Variants in ZMYND19 observed in about 807,000 individuals in gnomAD.
ZMYND19 encodes the protein zinc finger MYND domain-containing protein 19.
In ZMYND19, 17 loss-of-function variants were observed where a neutral mutation model predicts 32.0. The observed-to-expected ratio is 0.53, with a 90% CI of 0.36 to 0.80. ZMYND19 has a LOEUF of 0.80. ZMYND19 is among the 30% of genes least tolerant of loss of function. The pLI is 0.00. For synonymous variants in ZMYND19, 124 were observed against 113.6 expected (o/e 1.09, Z -0.58); for missense variants, 250 against 293.6 (o/e 0.85, Z 1.09).
At chr9:137,589,687 C>A (rs1842248240) in intron 1 of ZMYND19, 1 of 985,352 alleles carries the variant, frequency 1.0e-6, no homozygotes, top group Non-Finnish European at 1.2e-6. Flanking sequence ...CTCAGCCTAA[C>A]GTGGCCAACC....
In ZMYND19 at chr9:137,590,296, C is replaced by T; in HGVS notation, c.-33G>A. 2.9e-6 allele frequency: 3 copies of T among 1,048,796 alleles called. No individual in the cohort carries two copies. The highest frequency in any genetic ancestry group is 3.4e-6 in the Non-Finnish European group (3 of 870,598). 65.0% of individuals were successfully genotyped at this position (1,048,796 alleles called of 1,614,324 possible). On this transcript the variant is annotated 5_prime_UTR_variant, in exon 1 of 6. Coordinates refer to ENST00000298585, the MANE Select transcript of ZMYND19 (RefSeq NM_138462.3). This position sits in a 1 kb window ranked among gnomAD's most constrained non-coding sequence, Gnocchi z 4.2. Reference sequence around the variant, plus strand: ...CCTGCGCTCTCGGCCGGCAGCGCCGCTCCCTCGGGAGGCGCCGAGCGGGGG... The same window carrying T: ...CCTGCGCTCTCGGCCGGCAGCGCCGTTCCCTCGGGAGGCGCCGAGCGGGGG...
At chr9:137,588,585 G>A in intron 2 of ZMYND19, 74 bp downstream of exon 2, 1 of 1,542,604 alleles carries the variant, frequency 6.5e-7, no homozygotes, top group East Asian at 2.3e-5. Context: ...GCACAGGGGA[G>A]AGAGCTCGTT....
In ZMYND19 at chr9:137,590,258, G is replaced by T. The variant is rs747235257; in HGVS notation, c.6C>A (p.Thr2=). 1.7e-6 allele frequency: 2 copies of T among 1,143,860 alleles called. No homozygotes were observed. The highest frequency in any genetic ancestry group is 2.2e-6 in the Non-Finnish European group (2 of 916,652). The allele number at this position is 1,143,860 out of a possible 1,614,324, so 70.9% of individuals were successfully genotyped here. The change falls in exon 1 of 6, where the codon ACC becomes ACA. Residue 2 remains threonine, a synonymous_variant. Coordinates refer to ENST00000298585, the MANE Select transcript of ZMYND19 (RefSeq NM_138462.3). This position sits in a 1 kb window ranked among gnomAD's most constrained non-coding sequence, Gnocchi z 4.2. ...GCCGCACGATACCCAATTTGAAGTC[G>T]GTCATGGCCGGGCCTGCGCTCTCGG... M[T]DFKLGIVRLG... is the part of the protein sequence containing the mutation.
At chr9:137,589,457 G>T in intron 1 of ZMYND19, 1 of 985,462 alleles carries the variant, frequency 1.0e-6, no homozygotes, top group Non-Finnish European at 1.2e-6. Flanking sequence ...AGCCGCAGCC[G>T]CTGGTGACGG....
intron 3 of ZMYND19, 56 bp from the exon 4 acceptor site, chr9:137,587,163 A>ACAGACATTT: frequency 6.3e-7 from 1 of 1,581,886 alleles, no homozygotes; most frequent in Non-Finnish European, 8.5e-7. Flanking sequence ...TCCCACCCTC[A>ACAGACATTT]CAGACATTTC....
At chr9:137,582,790 T>TA in intron 5 of ZMYND19, 104 bp from the exon 6 acceptor site, 9 of 1,533,308 alleles carry the variant, frequency 5.9e-6, no homozygotes, top group Non-Finnish European at 7.9e-6. Context: ...AAACACCACG[T>TA]ACCAAGGCTG....
At chr9:137,585,881 G>A (rs1006836343) in intron 4 of ZMYND19, among the ~76,000 whole-genome samples, 24 of 152,382 alleles carry the variant, frequency 1.6e-4, no homozygotes, top group Admixed American at 3.9e-4. Flanking sequence ...AGGGCAGTTC[G>A]CACTGCCTGC....
intron 1 of ZMYND19, chr9:137,589,615 G>A (rs983237962): frequency 1.0e-6 from 1 of 985,368 alleles, no homozygotes. Flanking sequence ...GAGAAGTCGA[G>A]GAAGGCCCTG....
intron 1 of ZMYND19, chr9:137,588,967 G>A (rs1842238786): frequency 5.9e-6 from 3 of 504,970 alleles, no homozygotes; most frequent in Non-Finnish European, 7.2e-6. Flanking sequence ...CGCCAGAGGA[G>A]CTGGTATCAG....
At chr9:137,586,504 T>G (rs1452987997) in intron 4 of ZMYND19, among the ~76,000 whole-genome samples, 1 of 122,844 alleles carries the variant, frequency 8.1e-6, no homozygotes, top group Admixed American at 9.0e-5. Context: ...AATCCCGAGG[T>G]GAGAGAAGGA....
chr9:137,589,801 T>A, intron 1 of ZMYND19: 1 of 985,448 alleles, frequency 1.0e-6, no homozygotes. Flanking sequence ...TGGCGCTGCC[T>A]CGGAAAGGGC....
rs985030391 is a variant in ZMYND19 at position 137,582,396 on chromosome 9, G to C, written c.*147C>G. The C allele has an allele frequency of 1.7e-6, 2 of 1,159,144 alleles. No homozygotes were observed. Among genetic ancestry groups the C allele is most frequent in the African/African-American group, 3.1e-5 (2 of 64,590 alleles). The allele number at this position is 1,159,144 out of a possible 1,614,324, so 71.8% of individuals were successfully genotyped here. A position where few individuals can be genotyped will look rare whatever the true frequency, so the allele number is the denominator to read the frequency against. On this transcript the variant is annotated 3_prime_UTR_variant, in exon 6 of 6. Transcript: ENST00000298585. ...CACTGAGGGGCGCTGTAACCACACAGACTGCCTGTGACATCGGGAGTCTCA... is the reference window on the plus strand; with the variant it reads ...CACTGAGGGGCGCTGTAACCACACACACTGCCTGTGACATCGGGAGTCTCA...
chr9:137,588,618 G>A (rs369243532), intron 2 of ZMYND19, 41 bp downstream of exon 2: 69 of 1,611,144 alleles, frequency 4.3e-5, no homozygotes, highest in Non-Finnish European at 5.6e-5. Context: ...CCTGGGCACT[G>A]ACCACGAGCA....
intron 3 of ZMYND19, 27 bp from the exon 4 acceptor site, chr9:137,587,134 C>G: frequency 1.3e-6 from 2 of 1,598,064 alleles, no homozygotes; most frequent in Non-Finnish European, 1.7e-6. Flanking sequence ...AACCCTGCAT[C>G]TAACCCTGCA....
chr9:137,586,850 AC>A (rs1402975807), intron 4 of ZMYND19, 116 bp downstream of exon 4: 1 of 1,377,064 alleles, frequency 7.3e-7, no homozygotes, highest in Non-Finnish European at 9.9e-7. Context: ...CCCAAAATAC[AC>A]AGAAGCATCA....
At position 137,590,326 on chromosome 9, in the gene ZMYND19, G is replaced by A; in HGVS notation, c.-63C>T. The A allele has an allele frequency of 2.0e-6, 2 of 995,306 alleles. No individual in the cohort carries two copies. Among genetic ancestry groups the A allele is most frequent in the Non-Finnish European group, 2.4e-6 (2 of 832,914 alleles). The allele number at this position is 995,306 out of a possible 1,614,324, so 61.7% of individuals were successfully genotyped here. On this transcript the variant is annotated 5_prime_UTR_variant, in exon 1 of 6. Coordinates refer to ENST00000298585, the MANE Select transcript of ZMYND19 (RefSeq NM_138462.3). This position sits in a 1 kb window ranked among gnomAD's most constrained non-coding sequence, Gnocchi z 4.2. Reference sequence around the variant, plus strand: ...TCGGGAGGCGCCGAGCGGGGGCCGGGGCGAGGCCGCGGCGCGCCGGGACAG... The same window carrying A: ...TCGGGAGGCGCCGAGCGGGGGCCGGAGCGAGGCCGCGGCGCGCCGGGACAG...
chr9:137,586,888 T>A, intron 4 of ZMYND19, 79 bp downstream of exon 4: 1 of 1,585,592 alleles, frequency 6.3e-7, no homozygotes, highest in Non-Finnish European at 8.6e-7. Flanking sequence ...CAGGAGACCC[T>A]CTTGGAAACA....
At chr9:137,584,322 C>A (rs530105414) in intron 4 of ZMYND19, among the ~76,000 whole-genome samples, 1 of 152,384 alleles carries the variant, frequency 6.6e-6, no homozygotes, top group South Asian at 2.1e-4. Flanking sequence ...ACTCGTCCTG[C>A]TGTGCCCTCA....
Position 137,590,271 on chromosome 9 carries a change from C to A in ZMYND19, c.-8G>T, listed in dbSNP as rs1842258257. 9.2e-7 allele frequency: 1 copy of A among 1,092,558 alleles called. No individual in the cohort carries two copies. The highest frequency in any genetic ancestry group is 1.1e-6 in the Non-Finnish European group (1 of 892,020). 67.7% of individuals were successfully genotyped at this position (1,092,558 alleles called of 1,614,324 possible). On this transcript the variant is annotated 5_prime_UTR_variant, in exon 1 of 6. Coordinates refer to ENST00000298585, the MANE Select transcript of ZMYND19 (RefSeq NM_138462.3). This position sits in a 1 kb window ranked among gnomAD's most constrained non-coding sequence, Gnocchi z 4.2. ...CAATTTGAAGTCGGTCATGGCCGGG[C>A]CTGCGCTCTCGGCCGGCAGCGCCGC...
Sources: gnomAD v4.1 joint callset for allele counts (sites outside exome capture counted in the v4.1 genomes callset) on GRCh38, gnomAD v4.1.1 for gene constraint, Gnocchi (gnomAD v3.1) non-coding constraint, MANE v1.5 for transcripts, NCBI Gene and HGNC (gene_info 2026-07-23, HGNC 2026-07-21) for gene names.